Variants in ROBO2 observed in about 807,000 individuals in gnomAD.
The protein encoded by ROBO2 is roundabout homolog 2.
ROBO2 carries 53 observed loss-of-function variants against 160.8 expected under a neutral mutation model. The observed-to-expected ratio is 0.33, with a 90% CI of 0.26 to 0.41. The LOEUF (loss-of-function observed/expected upper bound fraction) is 0.41. Among genes scored for constraint, ROBO2 ranks in the 10% least tolerant of loss-of-function variants. The pLI, the probability that ROBO2 is intolerant of heterozygous loss-of-function variation, is 1.00. For missense variants in ROBO2, 1,577 were observed against 1,722.4 expected, an observed-to-expected ratio of 0.92 and a Z score of 1.49; for synonymous variants, 664 against 611.7, an observed-to-expected ratio of 1.09 and a Z score of -1.26.
intron 2 of ROBO2, among the ~76,000 whole-genome samples, chr3:76,981,467 A>T (rs2060093765): frequency 6.6e-6 from 1 of 152,138 alleles, no homozygotes; most frequent in African/African-American, 2.4e-5. Context: ...TTTATTGTTC[A>T]TATGTATATC....
chr3:77,507,410 C>T (rs1416302348), intron 5 of ROBO2, among the ~76,000 whole-genome samples: 3 of 152,238 alleles, frequency 2.0e-5, no homozygotes, highest in East Asian at 3.9e-4. Flanking sequence ...ATGGCACATT[C>T]GGAAATACAT....
At chr3:77,083,631 AG>A (rs2149953194) in intron 1 of ROBO2, among the ~76,000 whole-genome samples, 1 of 152,260 alleles carries the variant, frequency 6.6e-6, no homozygotes, top group East Asian at 1.9e-4. Context: ...TGGAAATGAG[AG>A]GCAGTCAGTT....
At chr3:76,001,100 C>T (rs1055336428) in intron 2 of ROBO2, among the ~76,000 whole-genome samples, 4 of 151,482 alleles carry the variant, frequency 2.6e-5, no homozygotes, top group South Asian at 2.1e-4. Context: ...TAATCTGTCT[C>T]GCTTTTCATT....
intron 2 of ROBO2, among the ~76,000 whole-genome samples, chr3:76,630,990 G>A (rs1000788632): frequency 6.6e-6 from 1 of 152,140 alleles, no homozygotes; most frequent in Non-Finnish European, 1.5e-5. Context: ...TAACCATCCA[G>A]AGTGCATGTG....
intron 1 of ROBO2, among the ~76,000 whole-genome samples, chr3:75,936,510 A>C (rs1947786857): frequency 6.6e-6 from 1 of 152,122 alleles, no homozygotes; most frequent in African/African-American, 2.4e-5. Flanking sequence ...TTTGGTCTTG[A>C]AGGTGTTTAT....
chr3:76,039,370 G>A (rs947288811), intron 2 of ROBO2, among the ~76,000 whole-genome samples: 1 of 152,008 alleles, frequency 6.6e-6, no homozygotes, highest in African/African-American at 2.4e-5. Context: ...TTGACAGTAA[G>A]GACAATGAAT....
At chr3:76,169,250 G>A (rs541291630) in intron 2 of ROBO2, among the ~76,000 whole-genome samples, 3 of 152,250 alleles carry the variant, frequency 2.0e-5, no homozygotes, top group Admixed American at 6.5e-5. Flanking sequence ...CTTACCATCA[G>A]CCAACTGGAT....
chr3:77,467,129 A>G (rs1471262359), intron 2 of ROBO2, among the ~76,000 whole-genome samples: 2 of 152,194 alleles, frequency 1.3e-5, no homozygotes, highest in Admixed American at 1.3e-4. Flanking sequence ...GTACTTGATA[A>G]CACTCTTTAT....
At chr3:77,172,852 G>T (rs2079772293) in intron 2 of ROBO2, among the ~76,000 whole-genome samples, 1 of 152,276 alleles carries the variant, frequency 6.6e-6, no homozygotes, top group African/African-American at 2.4e-5. Context: ...CCCAAGGCAG[G>T]GCCCAGGCCC....
At chr3:77,232,563 G>A (rs369930177) in intron 2 of ROBO2, among the ~76,000 whole-genome samples, 2 of 152,122 alleles carry the variant, frequency 1.3e-5, no homozygotes, top group African/African-American at 4.8e-5. Context: ...TGAGATATGC[G>A]ATATTAAAAA....
intron 1 of ROBO2, among the ~76,000 whole-genome samples, chr3:77,093,022 T>C (rs1405744972): frequency 1.3e-5 from 2 of 152,152 alleles, no homozygotes; most frequent in Non-Finnish European, 2.9e-5. Context: ...GTAAGTTTTC[T>C]TTGTTACCAC....
chr3:76,282,509 A>G (rs544047622), intron 2 of ROBO2, among the ~76,000 whole-genome samples: 4 of 152,084 alleles, frequency 2.6e-5, no homozygotes, highest in East Asian at 1.9e-4. Context: ...TTATGAATGC[A>G]TAATGTTTAT....
At position 77,632,618 on chromosome 3, in the gene ROBO2, C is replaced by A. The variant is rs1342113717; in HGVS notation, c.3761-2252C>A. On this transcript the variant is annotated intron_variant, in intron 23 of 25. Transcript: ENST00000461745. Reference sequence around the variant, plus strand: ...GCACTGGTGGCAGCAGCAGATAAAGCTGGTTTTAGGCTGGATGGAACCAGC... The same window carrying A: ...GCACTGGTGGCAGCAGCAGATAAAGATGGTTTTAGGCTGGATGGAACCAGC... 2.6e-6 allele frequency: 4 copies of A among 1,535,642 alleles called. No homozygotes were observed. In the South Asian group the frequency reaches 4.8e-5, roughly 18 times the overall value.
At chr3:76,075,078 TTATC>T (rs1385231384) in intron 2 of ROBO2, among the ~76,000 whole-genome samples, 1 of 152,058 alleles carries the variant, frequency 6.6e-6, no homozygotes, top group Non-Finnish European at 1.5e-5. Flanking sequence ...TTGATCGTAT[TTATC>T]CTGCTGAGTT....
intron 2 of ROBO2, among the ~76,000 whole-genome samples, chr3:76,225,811 A>T (rs1273842801): frequency 6.6e-6 from 1 of 152,210 alleles, no homozygotes; most frequent in Non-Finnish European, 1.5e-5. Context: ...TATTTTTAAA[A>T]GCCTGAAACT....
chr3:77,514,267 T>G (rs1015381489), intron 5 of ROBO2, among the ~76,000 whole-genome samples: 3 of 151,786 alleles, frequency 2.0e-5, no homozygotes, highest in Non-Finnish European at 4.4e-5. Flanking sequence ...ATAAATACCT[T>G]TGATTGTTTA....
chr3:76,533,038 G>A (rs1162057588), intron 2 of ROBO2, among the ~76,000 whole-genome samples: 1 of 152,112 alleles, frequency 6.6e-6, no homozygotes, highest in Non-Finnish European at 1.5e-5. Context: ...CTAATGTTTT[G>A]AAGAAATATT....
intron 2 of ROBO2, among the ~76,000 whole-genome samples, chr3:76,937,323 T>G (rs1299915189): frequency 1.3e-5 from 2 of 148,730 alleles, no homozygotes; most frequent in Non-Finnish European, 3.0e-5. Flanking sequence ...CTTTGCAAAA[T>G]AGAGAAATAA....
At chr3:77,284,046 G>A (rs1248257526) in intron 2 of ROBO2, among the ~76,000 whole-genome samples, 2 of 152,120 alleles carry the variant, frequency 1.3e-5, no homozygotes, top group Non-Finnish European at 2.9e-5. Flanking sequence ...AAATATTGAT[G>A]TATCAGGGGT....
Sources: allele counts gnomAD v4.1 joint callset (sites outside exome capture counted in the v4.1 genomes callset), GRCh38; gene constraint gnomAD v4.1.1; transcripts MANE v1.5; gene names NCBI Gene and HGNC (gene_info 2026-07-23, HGNC 2026-07-21).